AGTPBP1: variants seen among roughly 807,000 people sequenced by gnomAD.
The protein encoded by AGTPBP1 is cytosolic carboxypeptidase 1.
Under a neutral mutation model 143.9 loss-of-function variants are expected in AGTPBP1, and 70 were observed. The ratio of observed to expected loss-of-function variants is 0.49; its 90% CI spans 0.40 to 0.59. AGTPBP1 has a LOEUF of 0.59. AGTPBP1 is among the 20% of genes least tolerant of loss of function. The pLI, the probability that AGTPBP1 is intolerant of heterozygous loss-of-function variation, is 0.00. For synonymous variants in AGTPBP1, 463 were observed against 500.2 expected, an observed-to-expected ratio of 0.93 and a Z score of 0.99; for missense variants, 1,229 against 1,464.5, an observed-to-expected ratio of 0.84 and a Z score of 2.62.
chr9:85,785,328 C>T, the AGTPBP1 span, among the ~76,000 whole-genome samples: 5 of 150,780 alleles, frequency 3.3e-5, no homozygotes, highest in South Asian at 4.2e-4. Context: ...AGCGAGACTC[C>T]GTCTCAAAAA....
upstream of AGTPBP1, among the ~76,000 whole-genome samples, chr9:85,746,634 AAAAG>A (rs925458145): frequency 3.9e-5 from 6 of 152,032 alleles, no homozygotes; most frequent in Non-Finnish European, 8.8e-5. Context: ...GCCTCTAACA[AAAAG>A]AAAGAGTGGG....
intron 14 of AGTPBP1, among the ~76,000 whole-genome samples, chr9:85,622,148 A>T (rs1048795610): frequency 5.9e-5 from 9 of 152,234 alleles, no homozygotes; most frequent in African/African-American, 2.2e-4. Flanking sequence ...CTCAAAGAGG[A>T]AGGTGATTAT....
intron 17 of AGTPBP1, among the ~76,000 whole-genome samples, chr9:85,601,535 T>C (rs996185974): frequency 1.3e-5 from 2 of 152,156 alleles, no homozygotes; most frequent in African/African-American, 4.8e-5. Context: ...ACATACCATC[T>C]GTGGGTCTGG....
chr9:85,573,669 T>C (rs1479053763), intron 25 of AGTPBP1, among the ~76,000 whole-genome samples: 2 of 146,018 alleles, frequency 1.4e-5, no homozygotes, highest in Non-Finnish European at 3.0e-5. Context: ...GAGAGCCTCT[T>C]CCCGGCCGCC....
chr9:85,639,361 G>A (rs28480187), intron 13 of AGTPBP1, among the ~76,000 whole-genome samples: 2,040 of 131,084 alleles, frequency 0.016, 50 homozygotes, highest in African/African-American at 0.057. Context: ...CCATGCGCGC[G>A]CACGCGCACA....
At chr9:85,646,443 T>C in intron 11 of AGTPBP1, 25 bp from the exon 12 acceptor site, 6 of 1,573,396 alleles carry the variant, frequency 3.8e-6, no homozygotes, top group South Asian at 1.1e-5. Flanking sequence ...GTGCTATAAG[T>C]AGGTCAGAGG....
At chr9:85,637,530 C>T (rs1832149595) in intron 13 of AGTPBP1, among the ~76,000 whole-genome samples, 1 of 152,158 alleles carries the variant, frequency 6.6e-6, no homozygotes, top group Non-Finnish European at 1.5e-5. Flanking sequence ...ACCTCAAAAA[C>T]ATATGCTCAG....
intron 3 of AGTPBP1, among the ~76,000 whole-genome samples, chr9:85,684,393 T>C (rs1229260577): frequency 6.6e-6 from 1 of 152,218 alleles, no homozygotes; most frequent in Non-Finnish European, 1.5e-5. Context: ...ACCTATGTTC[T>C]GAATTCCATC....
At chr9:85,560,406 G>A (rs1022643480) in intron 25 of AGTPBP1, among the ~76,000 whole-genome samples, 4 of 152,198 alleles carry the variant, frequency 2.6e-5, no homozygotes, top group African/African-American at 9.7e-5. Context: ...AAGATGGGAA[G>A]TTGGCTTTCA....
intron 25 of AGTPBP1, among the ~76,000 whole-genome samples, chr9:85,561,956 C>T (rs973490830): frequency 1.2e-4 from 18 of 151,608 alleles, no homozygotes; most frequent in African/African-American, 3.6e-4. Flanking sequence ...TTCAGCCTCC[C>T]GAGTAGCTAG....
chr9:85,799,273 T>C, the AGTPBP1 span, among the ~76,000 whole-genome samples: 1 of 152,186 alleles, frequency 6.6e-6, no homozygotes, highest in Non-Finnish European at 1.5e-5. Flanking sequence ...CTATTGTGAA[T>C]AGTGCCGCAA....
chr9:85,630,119 G>A (rs991545153), intron 14 of AGTPBP1, among the ~76,000 whole-genome samples: 2 of 152,196 alleles, frequency 1.3e-5, no homozygotes, highest in African/African-American at 2.4e-5. Flanking sequence ...GAGAGGTAAA[G>A]AGCCTAAGAG....
intron 25 of AGTPBP1, among the ~76,000 whole-genome samples, chr9:85,571,691 C>T (rs889896310): frequency 4.6e-5 from 7 of 152,228 alleles, no homozygotes; most frequent in South Asian, 2.1e-4. Context: ...ATTAAAACTG[C>T]GCTCTACGAT....
intron 11 of AGTPBP1, among the ~76,000 whole-genome samples, chr9:85,648,380 C>CA (rs1832945294): frequency 1.3e-5 from 2 of 152,046 alleles, no homozygotes; most frequent in South Asian, 4.1e-4. Flanking sequence ...TCTTAGATAG[C>CA]AAAAAATAAA....
chr9:85,604,210 C>T (rs1829853172), intron 17 of AGTPBP1, among the ~76,000 whole-genome samples: 2 of 152,110 alleles, frequency 1.3e-5, no homozygotes, highest in Non-Finnish European at 2.9e-5. Context: ...ATAGTACCAG[C>T]GGTGGTGGCC....
chr9:85,675,970 A>G (rs1266280188), intron 6 of AGTPBP1, among the ~76,000 whole-genome samples: 2 of 152,186 alleles, frequency 1.3e-5, no homozygotes, highest in East Asian at 1.9e-4. Context: ...GGTTGCAGTG[A>G]GCCCAGATCA....
At chr9:85,756,515 T>TGATG in the AGTPBP1 span, among the ~76,000 whole-genome samples, 21 of 146,656 alleles carry the variant, frequency 1.4e-4, no homozygotes, top group Admixed American at 2.8e-4. Flanking sequence ...GTGGATGGAT[T>TGATG]GATGGATGGA....
chr9:85,657,559 C>A lies in AGTPBP1; in HGVS notation c.785G>T (p.Arg262Leu). 1 of 1,613,898 alleles carries A rather than the reference C, an allele frequency of 6.2e-7. No homozygotes were observed. Among genetic ancestry groups the A allele is most frequent in the Non-Finnish European group, 8.5e-7 (1 of 1,179,906 alleles). The change falls in exon 10 of 26, where the codon CGG becomes CTG. Residue 262 changes from arginine (R) to leucine (L), a missense_variant. Coordinates refer to ENST00000357081, the MANE Select transcript of AGTPBP1 (RefSeq NM_001330701.2). ...IYVDWHRHDN[R>L]HRNMLIRKGI... ...TTTCCGAATGAGCATGTTTCTATGCCGGTTATCATGGCGGTGCCAATCTAC... is the reference window on the plus strand; with the variant it reads ...TTTCCGAATGAGCATGTTTCTATGCAGGTTATCATGGCGGTGCCAATCTAC...
chr9:85,671,486 T>C (rs1397993190), intron 7 of AGTPBP1, among the ~76,000 whole-genome samples: 1 of 152,176 alleles, frequency 6.6e-6, no homozygotes, highest in African/African-American at 2.4e-5. Context: ...TTAGCCATAT[T>C]TTAAAGGTAC....
Sources: allele counts gnomAD v4.1 joint callset (sites outside exome capture counted in the v4.1 genomes callset), GRCh38; gene constraint gnomAD v4.1.1; transcripts MANE v1.5; gene names NCBI Gene and HGNC (gene_info 2026-07-23, HGNC 2026-07-21).